The following KHDRBS2 variants were observed in gnomAD, a reference collection of about 807,000 sequenced individuals.
KHDRBS2 encodes the protein KH RNA binding domain containing, signal transduction associated 2.
Under a neutral mutation model 44.3 loss-of-function variants are expected in KHDRBS2, and 26 were observed. The observed-to-expected ratio is 0.59, with a 90% CI of 0.43 to 0.81. KHDRBS2 has a LOEUF of 0.81. Among genes scored for constraint, KHDRBS2 ranks in the 40% least tolerant of loss-of-function variants. The pLI, the probability that KHDRBS2 is intolerant of heterozygous loss-of-function variation, is 0.00. For missense variants in KHDRBS2, 476 were observed against 433.1 expected (o/e 1.10, Z -0.88); for synonymous variants, 194 against 151.1 (o/e 1.28, Z -2.08).
At chr6:62,163,536 T>G (rs894017367) in intron 2 of KHDRBS2, among the ~76,000 whole-genome samples, 41 of 152,056 alleles carry the variant, frequency 2.7e-4, no homozygotes, top group African/African-American at 8.9e-4. Context: ...TCCCAACTAA[T>G]GAGTAGTTTA....
intron 3 of KHDRBS2, among the ~76,000 whole-genome samples, chr6:62,013,678 G>A (rs765690551): frequency 9.9e-5 from 15 of 152,086 alleles, no homozygotes; most frequent in Non-Finnish European, 1.5e-4. Context: ...TTTTGGAAAC[G>A]CTATGTTAGC....
At chr6:61,834,401 G>A (rs1369883708) in intron 6 of KHDRBS2, among the ~76,000 whole-genome samples, 2 of 152,056 alleles carry the variant, frequency 1.3e-5, no homozygotes, top group East Asian at 1.9e-4. Flanking sequence ...ACATGTAAAT[G>A]TAATCACTTA....
intron 1 of KHDRBS2, among the ~76,000 whole-genome samples, chr6:62,233,578 T>C (rs1170408831): frequency 2.0e-5 from 3 of 152,102 alleles, no homozygotes; most frequent in African/African-American, 4.8e-5. Flanking sequence ...ACAGATTATT[T>C]CATCACCTAG....
chr6:62,061,483 A>G (rs1231537671), intron 2 of KHDRBS2, among the ~76,000 whole-genome samples: 2 of 150,308 alleles, frequency 1.3e-5, no homozygotes, highest in African/African-American at 4.9e-5. Context: ...CTTTTCTTTA[A>G]GAATGTTGAA....
intron 2 of KHDRBS2, among the ~76,000 whole-genome samples, chr6:62,071,565 C>T (rs1298545992): frequency 1.3e-5 from 2 of 152,180 alleles, no homozygotes; most frequent in East Asian, 1.9e-4. Context: ...ATATGGCTAG[C>T]CAGTATTCCC....
At chr6:62,043,237 C>A (rs185238030) in intron 3 of KHDRBS2, among the ~76,000 whole-genome samples, 2 of 152,062 alleles carry the variant, frequency 1.3e-5, no homozygotes, top group African/African-American at 4.8e-5. Context: ...TCAACACCCC[C>A]CAAAATAGCA....
chr6:61,770,066 A>T (rs1780623238), intron 6 of KHDRBS2, among the ~76,000 whole-genome samples: 1 of 152,206 alleles, frequency 6.6e-6, no homozygotes, highest in South Asian at 2.1e-4. Flanking sequence ...GCTGATACCC[A>T]GGCAAACAGG....
At chr6:61,559,441 C>A in the KHDRBS2 span, among the ~76,000 whole-genome samples, 8 of 150,872 alleles carry the variant, frequency 5.3e-5, no homozygotes, top group Non-Finnish European at 1.2e-4. Context: ...TAAGGTAGGA[C>A]CTACACCTAC....
chr6:62,194,845 T>A (rs547132627), intron 1 of KHDRBS2, among the ~76,000 whole-genome samples: 3 of 152,160 alleles, frequency 2.0e-5, no homozygotes, highest in Admixed American at 2.0e-4. Context: ...AGTAAATTTT[T>A]AAATTTACTA....
rs530568177 is a variant in KHDRBS2 at position 62,058,350 on chromosome 6, G to GAGTA, written c.220-10357_220-10356insTACT. Among the ~76,000 whole-genome samples, 275 of 151,888 alleles carry GAGTA rather than the reference G, an allele frequency of 1.8e-3. 10 individuals are homozygous for GAGTA. The South Asian group carries it at 0.052, about 29-fold the overall frequency. On this transcript the variant is annotated intron_variant, in intron 2 of 8. Transcript: ENST00000281156. ...ATTCGTTGATACTCAAATTCCTTTTGTCCTAACAATTGAAAATATTGGAAT... is the reference window on the plus strand; with the variant it reads ...ATTCGTTGATACTCAAATTCCTTTTGAGTATCCTAACAATTGAAAATATTGGAAT...
intron 6 of KHDRBS2, among the ~76,000 whole-genome samples, chr6:61,788,289 C>T (rs1784120912): frequency 6.6e-6 from 1 of 151,418 alleles, no homozygotes; most frequent in African/African-American, 2.4e-5. Context: ...TTACTGAAGA[C>T]TTTTACCACT....
chr6:61,678,534 G>A (rs945925677), downstream of KHDRBS2, among the ~76,000 whole-genome samples: 8 of 151,934 alleles, frequency 5.3e-5, no homozygotes, highest in South Asian at 8.3e-4. Context: ...GCCAATGATT[G>A]TGAGTTCCTT....
In KHDRBS2 at chr6:62,017,579, C is replaced by T. The variant is rs145883177; in HGVS notation, c.336+30299G>A. On this transcript the variant is annotated intron_variant, in intron 3 of 8. Coordinates refer to ENST00000281156, the MANE Select transcript of KHDRBS2 (RefSeq NM_152688.4). ...AATGTTGTATTCTGATGAGATGATA[C>T]CTACTACTATCTTCATGAGTGGCAT... is the stretch of plus-strand genomic sequence containing the variant. Among the ~76,000 whole-genome samples, 25 of 152,102 alleles carry T rather than the reference C, an allele frequency of 1.6e-4. No individual in the cohort carries two copies. In the East Asian group the frequency reaches 4.6e-3, roughly 28 times the overall value.
chr6:61,938,798 A>G (rs1235877859), intron 4 of KHDRBS2, among the ~76,000 whole-genome samples: 2 of 152,266 alleles, frequency 1.3e-5, no homozygotes, highest in East Asian at 3.9e-4. Context: ...GTAAGAGGGG[A>G]TTCTATAAAG....
chr6:61,928,682 T>C (rs1809435656), intron 4 of KHDRBS2, among the ~76,000 whole-genome samples: 1 of 152,100 alleles, frequency 6.6e-6, no homozygotes, highest in Admixed American at 6.5e-5. Context: ...GAGGATTACA[T>C]GCAAGCCATT....
intron 8 of KHDRBS2, among the ~76,000 whole-genome samples, chr6:61,694,065 A>G (rs1419886089): frequency 2.6e-5 from 4 of 152,198 alleles, no homozygotes; most frequent in Admixed American, 6.5e-5. Flanking sequence ...AATTCTGTGA[A>G]GCTCATGAGC....
chr6:62,157,583 C>A (rs1231061432), intron 2 of KHDRBS2, among the ~76,000 whole-genome samples: 1 of 152,060 alleles, frequency 6.6e-6, no homozygotes, highest in Non-Finnish European at 1.5e-5. Context: ...AGTACGTACT[C>A]ATTTATTTTA....
At chr6:61,685,268 T>G (rs2127539469) in intron 8 of KHDRBS2, among the ~76,000 whole-genome samples, 1 of 151,912 alleles carries the variant, frequency 6.6e-6, no homozygotes, top group African/African-American at 2.4e-5. Flanking sequence ...TTAAAGACTT[T>G]CCTGTGTTAA....
At chr6:62,128,038 T>G (rs1809380758) in intron 2 of KHDRBS2, among the ~76,000 whole-genome samples, 1 of 152,194 alleles carries the variant, frequency 6.6e-6, no homozygotes, top group Non-Finnish European at 1.5e-5. Context: ...TTTTATTCTT[T>G]TATGTCCCTT....
Sources: allele counts gnomAD v4.1 joint callset (sites outside exome capture counted in the v4.1 genomes callset), GRCh38; gene constraint gnomAD v4.1.1; transcripts MANE v1.5; gene names NCBI Gene and HGNC (gene_info 2026-07-23, HGNC 2026-07-21).